Variants in AADAT observed in about 807,000 individuals in gnomAD.
AADAT encodes the protein aminoadipate aminotransferase.
A neutral mutation model predicts 56.2 loss-of-function variants in AADAT; 25 were observed. The observed-to-expected ratio is 0.44, with a 90% CI of 0.32 to 0.62. The LOEUF is 0.62. AADAT is among the 20% of genes least tolerant of loss of function. The probability of loss-of-function intolerance (pLI) is 0.04; values close to 1 mark genes in which losing one functional copy is unlikely to be tolerated. For missense variants in AADAT, 387 were observed against 510.5 expected (o/e 0.76, Z 2.33); for synonymous variants, 173 against 164.7 (o/e 1.05, Z -0.39).
chr4:170,092,424 C>T (rs1403919119), upstream of AADAT, among the ~76,000 whole-genome samples: 1 of 152,216 alleles, frequency 6.6e-6, no homozygotes, highest in Admixed American at 6.5e-5. Context: ...GCCAGTGAGA[C>T]CACGAACCCA....
chr4:170,089,252 C>A, intron 1 of AADAT: 2 of 465,984 alleles, frequency 4.3e-6, no homozygotes, highest in Admixed American at 2.8e-5. Context: ...CCACCCCTCT[C>A]CCATTTACCT....
chr4:170,064,772 T>G lies in AADAT; in HGVS notation c.1081A>C (p.Lys361Gln). The change falls in exon 11 of 13, where the codon AAA becomes CAA. Residue 361 changes from lysine to glutamine, a missense_variant. Lys to Gln is a moderately conservative substitution (Grantham distance 53, BLOSUM62 1). Transcript: ENST00000337664. ...AAGMFLWIKV[K>Q]GINDVKELIE... ...AGTTCTTTTACATCATTAATGCCTT[T>G]AACTTTAATCCATAAAAACATTCCA... 2 of 1,612,334 alleles carry G rather than the reference T, an allele frequency of 1.2e-6. No homozygotes were observed. Among genetic ancestry groups the G allele is most frequent in the Non-Finnish European group, 1.7e-6 (2 of 1,179,652 alleles).
intron 4 of AADAT, among the ~76,000 whole-genome samples, chr4:170,074,647 C>T (rs763317351): frequency 1.2e-4 from 19 of 152,046 alleles, no homozygotes; most frequent in East Asian, 3.9e-4. Context: ...CCTGTTATGC[C>T]GACATTAACT....
chr4:170,086,022 G>T (rs1479934607), intron 3 of AADAT, among the ~76,000 whole-genome samples: 2 of 152,120 alleles, frequency 1.3e-5, no homozygotes, highest in East Asian at 3.9e-4. Flanking sequence ...CACTTTGGGA[G>T]GCCAAGGTGG....
In AADAT at chr4:170,078,556, C is replaced by T. The variant is rs1732149391; in HGVS notation, c.397G>A (p.Asp133Asn). 6.2e-7 allele frequency: 1 copy of T among 1,608,098 alleles called. No homozygotes were observed. Residue 133 changes from aspartate (D) to asparagine (N), a missense_variant, in exon 4 of 13, where the codon GAT (aspartate) becomes AAT (asparagine). Asp to Asn is a conservative substitution (Grantham distance 23). Transcript: ENST00000337664. ...GCAGGTTCATCTAGGAGGACATTAT[C>T]TCCAGGATTAATGATCATTTCAAAC... Reference protein sequence around the residue: ...KVFEMIINPGDNVLLDEPAYS... With the variant: ...KVFEMIINPGNNVLLDEPAYS...
At chr4:170,087,279 AG>A in intron 2 of AADAT, 31 bp from the exon 3 acceptor site, 1 of 1,594,974 alleles carries the variant, frequency 6.3e-7, no homozygotes, top group South Asian at 1.1e-5. Flanking sequence ...TTAAATTCAT[AG>A]TAGTAAAAAT....
At chr4:170,076,502 C>T (rs1372882535) in intron 4 of AADAT, among the ~76,000 whole-genome samples, 1 of 152,060 alleles carries the variant, frequency 6.6e-6, no homozygotes, top group East Asian at 1.9e-4. Context: ...TGCTTATTGG[C>T]CTTCTGCACA....
chr4:170,086,335 T>A (rs1461273989), intron 3 of AADAT, among the ~76,000 whole-genome samples: 3 of 151,952 alleles, frequency 2.0e-5, no homozygotes, highest in African/African-American at 7.3e-5. Flanking sequence ...CCAGTGGTGT[T>A]TACATCTGTG....
chr4:170,089,053 G>C (rs755272244), intron 1 of AADAT, among the ~76,000 whole-genome samples: 2 of 152,192 alleles, frequency 1.3e-5, no homozygotes, highest in Non-Finnish European at 2.9e-5. Context: ...ATAGCAGCCT[G>C]AATGGACTAA....
chr4:170,093,231 C>T (rs1421716569), upstream of AADAT, among the ~76,000 whole-genome samples: 1 of 152,084 alleles, frequency 6.6e-6, no homozygotes, highest in East Asian at 1.9e-4. Context: ...GAGTTGGAGA[C>T]CAGCCTGACC....
At chr4:170,090,560 G>A (rs550609859), upstream of AADAT, 1 of 152,248 alleles carries the variant, frequency 6.6e-6, no homozygotes, top group East Asian at 1.9e-4. Flanking sequence ...AAATCACTCT[G>A]AGTCTCTTCA....
chr4:170,070,954 C>T (rs982388076), intron 5 of AADAT, among the ~76,000 whole-genome samples: 2 of 152,170 alleles, frequency 1.3e-5, no homozygotes, highest in African/African-American at 4.8e-5. Context: ...GCTCTGTCGC[C>T]CAGGCTGGAG....
intron 4 of AADAT, among the ~76,000 whole-genome samples, chr4:170,074,847 TC>T (rs1731959061): frequency 6.6e-6 from 1 of 152,026 alleles, no homozygotes. Flanking sequence ...ATTTGTGGAA[TC>T]TCATTCATGG....
chr4:170,093,430 G>C (rs1418767747), upstream of AADAT, among the ~76,000 whole-genome samples: 1 of 152,094 alleles, frequency 6.6e-6, no homozygotes, highest in African/African-American at 2.4e-5. Flanking sequence ...CTGGGGGATA[G>C]AGCGAGACTC....
upstream of AADAT, among the ~76,000 whole-genome samples, chr4:170,093,965 ACAATTT>A (rs988615605): frequency 2.0e-4 from 30 of 152,356 alleles, no homozygotes; most frequent in African/African-American, 6.7e-4. Flanking sequence ...CAGTGGTAAC[ACAATTT>A]AAGGAAGCCA....
At chr4:170,077,240 A>T (rs895207607) in intron 4 of AADAT, among the ~76,000 whole-genome samples, 1 of 152,202 alleles carries the variant, frequency 6.6e-6, no homozygotes, top group African/African-American at 2.4e-5. Flanking sequence ...GGCTGTTGGC[A>T]TATCGATAGG....
chr4:170,064,812 C>A lies in AADAT; in HGVS notation c.1041G>T (p.Trp347Cys). 3.1e-6 allele frequency: 5 copies of A among 1,609,748 alleles called. No homozygotes were observed. Among genetic ancestry groups the A allele is most frequent in the Non-Finnish European group, 3.4e-6 (4 of 1,179,074 alleles). ...ADKWLTGLAE[W>C]HVPAAGMFLW... is the part of the protein sequence containing the mutation. ...AAAACATTCCAGCAGCAGGAACATG[C>A]CATTCTGCCAAACCTACAAACAAAA... Residue 347 changes from tryptophan to cysteine, a missense_variant, in exon 11 of 13, where the codon TGG becomes TGT. Trp to Cys is a radical substitution (Grantham distance 215). Transcript: ENST00000337664.
chr4:170,068,872 A>T (rs1228647292), intron 7 of AADAT, among the ~76,000 whole-genome samples, 185 bp from the exon 8 acceptor site: 1 of 152,200 alleles, frequency 6.6e-6, no homozygotes, highest in African/African-American at 2.4e-5. Context: ...TTAAAACAAG[A>T]TCGACTACGT....
intron 7 of AADAT, 101 bp from the exon 8 acceptor site, chr4:170,068,788 A>G (rs1044480856): frequency 2.7e-6 from 2 of 737,864 alleles, no homozygotes; most frequent in African/African-American, 3.6e-5. Flanking sequence ...CCTGGGGACA[A>G]AAGGATCTAG....
Sources: allele counts gnomAD v4.1 joint callset (sites outside exome capture counted in the v4.1 genomes callset), GRCh38; gene constraint gnomAD v4.1.1; transcripts MANE v1.5; gene names NCBI Gene and HGNC (gene_info 2026-07-23, HGNC 2026-07-21).